Variants in XKR9 observed in about 807,000 individuals in gnomAD.
XKR9 encodes the protein XK related 9, also known as XK-related protein 9.
XKR9 carries 32 observed loss-of-function variants against 32.0 expected under a neutral mutation model. The ratio of observed to expected loss-of-function variants is 1.00; its 90% CI spans 0.76 to 1.34. The LOEUF (loss-of-function observed/expected upper bound fraction) is 1.34. Among genes scored for constraint, XKR9 ranks in the 40% most tolerant of loss-of-function variants. The pLI, the probability that XKR9 is intolerant of heterozygous loss-of-function variation, is 0.00. For missense variants in XKR9, 546 were observed against 429.7 expected, an observed-to-expected ratio of 1.27 and a Z score of -2.39; for synonymous variants, 168 against 143.4, an observed-to-expected ratio of 1.17 and a Z score of -1.22.
At chr8:70,924,335 C>T in the XKR9 span, among the ~76,000 whole-genome samples, 1 of 152,190 alleles carries the variant, frequency 6.6e-6, no homozygotes, top group Non-Finnish European at 1.5e-5. Context: ...GCTCAGTCCA[C>T]TTTCTAAAAT....
chr8:70,916,639 C>T, the XKR9 span, among the ~76,000 whole-genome samples: 3 of 152,110 alleles, frequency 2.0e-5, no homozygotes, highest in African/African-American at 7.2e-5. Context: ...TGATCCTTGG[C>T]ACTTCTATAA....
Position 70,730,821 on chromosome 8 carries a change from C to T in XKR9, c.494-2975C>T, listed in dbSNP as rs1806640140. Among the ~76,000 whole-genome samples the T allele has an allele frequency of 2.0e-5, 3 of 152,222 alleles. No homozygotes were observed. The South Asian group carries it at 6.2e-4, about 31-fold the overall frequency. On this transcript the variant is annotated intron_variant, in intron 4 of 4. Transcript: ENST00000408926. ...ATTGAGCAGTTTCTATTGCTCTTCC[C>T]AGAAGAAGTCTAAAGCAGCCAATTT...
At chr8:70,772,629 T>C (rs1271031022) in intron 2 of XKR9, among the ~76,000 whole-genome samples, 1 of 152,212 alleles carries the variant, frequency 6.6e-6, no homozygotes, top group African/African-American at 2.4e-5. Context: ...TGATGCATTG[T>C]AGTTCTCTTT....
intron 2 of XKR9, among the ~76,000 whole-genome samples, chr8:70,774,542 C>G (rs185032925): frequency 1.3e-5 from 2 of 152,244 alleles, no homozygotes; most frequent in Admixed American, 1.3e-4. Context: ...ATATATTCAA[C>G]ATTTAGATCT....
the XKR9 span, among the ~76,000 whole-genome samples, chr8:71,037,744 T>A: frequency 5.9e-5 from 9 of 152,342 alleles, no homozygotes; most frequent in East Asian, 1.7e-3. Flanking sequence ...AACTTTACAG[T>A]GACAAATCTT....
intron 3 of XKR9, among the ~76,000 whole-genome samples, chr8:70,686,684 T>G (rs1483431995): frequency 6.6e-6 from 1 of 152,184 alleles, no homozygotes; most frequent in Non-Finnish European, 1.5e-5. Flanking sequence ...GCTCAAGTGA[T>G]CCGTCTCCTT....
the XKR9 span, among the ~76,000 whole-genome samples, chr8:70,847,643 A>G: frequency 6.6e-6 from 1 of 152,036 alleles, no homozygotes; most frequent in Non-Finnish European, 1.5e-5. Context: ...AAGGAGACAA[A>G]CAACTAATAC....
the XKR9 span, among the ~76,000 whole-genome samples, chr8:70,832,085 T>G: frequency 6.6e-6 from 1 of 152,220 alleles, no homozygotes; most frequent in South Asian, 2.1e-4. Context: ...TTTAGCTTGA[T>G]AGCCATCTAT....
chr8:71,015,619 G>A, the XKR9 span, among the ~76,000 whole-genome samples: 6 of 152,158 alleles, frequency 3.9e-5, no homozygotes, highest in East Asian at 1.2e-3. Flanking sequence ...AGACTTATGG[G>A]AAGGTGACTT....
the XKR9 span, among the ~76,000 whole-genome samples, chr8:70,882,022 C>G: frequency 1.3e-5 from 2 of 152,046 alleles, no homozygotes; most frequent in South Asian, 4.1e-4. Flanking sequence ...GACAGAAAAC[C>G]AAACACCACA....
chr8:70,903,759 T>G, the XKR9 span, among the ~76,000 whole-genome samples: 2 of 152,206 alleles, frequency 1.3e-5, no homozygotes, highest in African/African-American at 2.4e-5. Context: ...CTTTCCTGCT[T>G]TATCTTGTGG....
the XKR9 span, among the ~76,000 whole-genome samples, chr8:71,002,573 G>A: frequency 6.6e-6 from 1 of 151,956 alleles, no homozygotes; most frequent in South Asian, 2.1e-4. Flanking sequence ...GTTTTATACG[G>A]TCTCCCTTTT....
the XKR9 span, among the ~76,000 whole-genome samples, chr8:70,806,613 T>G: frequency 2.5e-4 from 38 of 152,034 alleles, 1 homozygote; most frequent in African/African-American, 8.9e-4. Flanking sequence ...GAAAACTTCA[T>G]GAAGGATACA....
the XKR9 span, among the ~76,000 whole-genome samples, chr8:70,930,913 C>A: frequency 1.3e-5 from 2 of 151,990 alleles, no homozygotes; most frequent in Non-Finnish European, 2.9e-5. Flanking sequence ...ACCATCAGAA[C>A]CTTCTTCACC....
At chr8:70,865,273 C>CTT in the XKR9 span, among the ~76,000 whole-genome samples, 8 of 142,456 alleles carry the variant, frequency 5.6e-5, no homozygotes, top group African/African-American at 1.5e-4. Context: ...TCCTTCTGGG[C>CTT]TTTTTTTTTT....
the XKR9 span, among the ~76,000 whole-genome samples, chr8:70,853,500 A>C: frequency 6.6e-6 from 1 of 151,988 alleles, no homozygotes; most frequent in Non-Finnish European, 1.5e-5. Context: ...TGTACTCATA[A>C]AAACTAAAAA....
At chr8:70,880,175 T>C in the XKR9 span, among the ~76,000 whole-genome samples, 1 of 152,286 alleles carries the variant, frequency 6.6e-6, no homozygotes, top group South Asian at 2.1e-4. Flanking sequence ...TCATACTGAA[T>C]GGGCAAAAAC....
intron 4 of XKR9, among the ~76,000 whole-genome samples, chr8:70,723,739 A>C (rs1806360015): frequency 6.6e-6 from 1 of 152,006 alleles, no homozygotes; most frequent in Non-Finnish European, 1.5e-5. Context: ...CTACTGTATG[A>C]GGTGTCTGTC....
chr8:71,056,683 A>G, the XKR9 span, among the ~76,000 whole-genome samples: 3 of 152,192 alleles, frequency 2.0e-5, no homozygotes, highest in Non-Finnish European at 1.5e-5. Context: ...TTGGTGCAAT[A>G]TCTGAGAAAA....
Sources: allele counts gnomAD v4.1 joint callset (sites outside exome capture counted in the v4.1 genomes callset), GRCh38; gene constraint gnomAD v4.1.1; transcripts MANE v1.5; gene names NCBI Gene and HGNC (gene_info 2026-07-23, HGNC 2026-07-21).